The following ZBTB41 variants were observed in gnomAD, a reference collection of about 807,000 sequenced individuals.
ZBTB41 encodes the protein zinc finger and BTB domain containing 41, also known as zinc finger and BTB domain-containing protein 41.
In ZBTB41, 42 loss-of-function variants were observed where a neutral mutation model predicts 87.6. That is an observed-to-expected ratio of 0.48 (90% CI 0.37 to 0.62). The LOEUF is 0.62. Ranked by LOEUF, ZBTB41 falls within the 20% of genes least tolerant of loss-of-function variation. The probability of loss-of-function intolerance (pLI) is 0.00; values close to 1 mark genes in which losing one functional copy is unlikely to be tolerated. For missense variants in ZBTB41, 799 were observed against 1,078.9 expected (o/e 0.74, Z 3.63); for synonymous variants, 364 against 364.0 (o/e 1.00, Z 0.00).
chr1:197,187,121 C>T (rs866519634), intron 5 of ZBTB41, among the ~76,000 whole-genome samples: 2 of 152,196 alleles, frequency 1.3e-5, no homozygotes, highest in South Asian at 2.1e-4. Context: ...AATGATACAA[C>T]TACTTTGGAA....
chr1:197,168,842 T>C (rs1386913401), intron 10 of ZBTB41, among the ~76,000 whole-genome samples: 4 of 152,022 alleles, frequency 2.6e-5, no homozygotes, highest in African/African-American at 9.7e-5. Flanking sequence ...GTATCTGTAA[T>C]ATATATATCC....
At chr1:197,173,762 A>T (rs1290077363) in intron 9 of ZBTB41, among the ~76,000 whole-genome samples, 1 of 152,162 alleles carries the variant, frequency 6.6e-6, no homozygotes, top group African/African-American at 2.4e-5. Context: ...CATGGTAAAT[A>T]TAAACAGAGA....
chr1:197,192,129 A>C (rs1019320915), intron 2 of ZBTB41, among the ~76,000 whole-genome samples: 14 of 152,180 alleles, frequency 9.2e-5, no homozygotes, highest in Admixed American at 7.9e-4. Flanking sequence ...GAGTCATTAA[A>C]AAAAAATATT....
chr1:197,180,965 TG>T, intron 6 of ZBTB41, 22 bp downstream of exon 6: 1 of 1,579,178 alleles, frequency 6.3e-7, no homozygotes, highest in African/African-American at 1.4e-5. Context: ...AGGATTTTTG[TG>T]GGTGTGCAGA....
intron 3 of ZBTB41, 29 bp from the exon 4 acceptor site, chr1:197,190,860 G>T: frequency 7.0e-7 from 1 of 1,433,308 alleles, no homozygotes; most frequent in Admixed American, 1.9e-5. Context: ...AAGATTATTA[G>T]GAAAAGGTTA....
chr1:197,162,722 G>T (rs749604013), intron 10 of ZBTB41, among the ~76,000 whole-genome samples: 5 of 152,092 alleles, frequency 3.3e-5, no homozygotes, highest in Admixed American at 6.5e-5. Context: ...GAACCTAAGG[G>T]GCAAGGTCTG....
At chr1:197,171,909 T>C (rs1659488486) in intron 10 of ZBTB41, among the ~76,000 whole-genome samples, 1 of 151,880 alleles carries the variant, frequency 6.6e-6, no homozygotes, top group Non-Finnish European at 1.5e-5. Flanking sequence ...GTAAATATCT[T>C]ATGGAAAAAG....
At chr1:197,161,869 C>T (rs929664966) in intron 10 of ZBTB41, among the ~76,000 whole-genome samples, 17 of 151,720 alleles carry the variant, frequency 1.1e-4, no homozygotes, top group African/African-American at 3.1e-4. Context: ...AATAAGAACA[C>T]GACCACAGCA....
chr1:197,179,038 T>C (rs1659679108), intron 6 of ZBTB41, among the ~76,000 whole-genome samples: 1 of 152,176 alleles, frequency 6.6e-6, no homozygotes, highest in Admixed American at 6.6e-5. Flanking sequence ...CCACTGGCCC[T>C]GGATGGGCTA....
Position 197,158,969 on chromosome 1 carries a change from A to G in ZBTB41, c.*390T>C, listed in dbSNP as rs1490424806. ...CTCTTAATTCCTTCTTAAAGGCTAC[A>G]TGGTCCTCAAACTTGTTTGTAAGAA... is the stretch of plus-strand genomic sequence containing the variant. On this transcript the variant is annotated 3_prime_UTR_variant, in exon 11 of 11. Transcript: ENST00000367405. 1 of 184,600 alleles carries G rather than the reference A, an allele frequency of 5.4e-6. No individual in the cohort carries two copies. The highest frequency in any genetic ancestry group is 2.4e-5 in the African/African-American group (1 of 41,814). 11.4% of individuals were successfully genotyped at this position (184,600 alleles called of 1,614,324 possible). A position where few individuals can be genotyped will look rare whatever the true frequency, so the allele number is the denominator to read the frequency against.
chr1:197,176,788 C>T, intron 7 of ZBTB41, 118 bp from the exon 8 acceptor site: 1 of 709,082 alleles, frequency 1.4e-6, no homozygotes, highest in African/African-American at 1.8e-5. Flanking sequence ...ACCACTCATA[C>T]ATTATTGGCT....
intron 10 of ZBTB41, among the ~76,000 whole-genome samples, chr1:197,162,526 C>T (rs1183806392): frequency 1.3e-5 from 2 of 152,110 alleles, no homozygotes; most frequent in African/African-American, 2.4e-5. Flanking sequence ...ACAGAATCAT[C>T]TTTCTTTAGA....
rs1659541322 is a variant in ZBTB41 at position 197,174,086 on chromosome 1, G to A, written c.1985+924C>T. ...TACAAAACACTTTAACTTCCTCACA[G>A]TGGACTTAAGATAAATTCTGTAGGG... On this transcript the variant is annotated intron_variant, in intron 9 of 10. Transcript: ENST00000367405. Among the ~76,000 whole-genome samples the A allele has an allele frequency of 1.3e-5, 2 of 152,102 alleles. 1 individual carries two copies. The highest frequency in any genetic ancestry group is 1.3e-4 in the Admixed American group (2 of 15,258).
intron 9 of ZBTB41, 107 bp downstream of exon 9, chr1:197,174,903 G>A (rs751222705): frequency 1.3e-4 from 93 of 727,938 alleles, no homozygotes; most frequent in Non-Finnish European, 1.9e-4. Context: ...TAGAGAAAGA[G>A]AACTGGTTAA....
At chr1:197,191,297 A>G (rs1660024503) in intron 3 of ZBTB41, among the ~76,000 whole-genome samples, 1 of 151,588 alleles carries the variant, frequency 6.6e-6, no homozygotes, top group Admixed American at 6.6e-5. Flanking sequence ...CAGTCTCTAC[A>G]AAAAATACAA....
intron 2 of ZBTB41, among the ~76,000 whole-genome samples, chr1:197,196,526 C>T (rs1660165797): frequency 6.6e-6 from 1 of 152,136 alleles, no homozygotes; most frequent in African/African-American, 2.4e-5. Context: ...TTTTTCATCC[C>T]TTTTTCCAAT....
rs1020740779 is a variant in ZBTB41 at position 197,156,534 on chromosome 1, G to A, written c.*2825C>T. 6.6e-6 allele frequency: 1 copy of A among 152,238 alleles called. No homozygotes were observed. Among genetic ancestry groups the A allele is most frequent in the Non-Finnish European group, 1.5e-5 (1 of 67,772 alleles). 9.4% of individuals were successfully genotyped at this position (152,238 alleles called of 1,614,324 possible). On this transcript the variant is annotated 3_prime_UTR_variant, in exon 11 of 11. Transcript: ENST00000367405. ...ACAGTTACAAAATAAATGGATTAGA[G>A]TTATAGAGCATTTGTCCAAAATACT...
intron 5 of ZBTB41, among the ~76,000 whole-genome samples, chr1:197,185,419 A>G (rs1028065252): frequency 3.9e-5 from 6 of 152,204 alleles, no homozygotes; most frequent in Non-Finnish European, 5.9e-5. Context: ...CATAAGCATT[A>G]GGGAGGTAAT....
At chr1:197,175,292 T>C (rs546470284) in intron 8 of ZBTB41, among the ~76,000 whole-genome samples, 177 bp from the exon 9 acceptor site, 33 of 151,602 alleles carry the variant, frequency 2.2e-4, no homozygotes, top group African/African-American at 4.3e-4. Context: ...CTTCAAAAAA[T>C]GTATGCTTAA....
Sources: allele counts gnomAD v4.1 joint callset (sites outside exome capture counted in the v4.1 genomes callset), GRCh38; gene constraint gnomAD v4.1.1; transcripts MANE v1.5; gene names NCBI Gene and HGNC (gene_info 2026-07-23, HGNC 2026-07-21).